The following NFIC variants were observed in gnomAD, a reference collection of about 807,000 sequenced individuals.
NFIC encodes the protein nuclear factor I C, also known as nuclear factor 1 C-type.
NFIC carries 12 observed loss-of-function variants against 54.4 expected under a neutral mutation model. The ratio of observed to expected loss-of-function variants is 0.22; its 90% CI spans 0.14 to 0.36. The LOEUF (loss-of-function observed/expected upper bound fraction) is 0.36. Among genes scored for constraint, NFIC ranks in the 10% least tolerant of loss-of-function variants. The probability of loss-of-function intolerance (pLI) is 1.00; values close to 1 mark genes in which losing one functional copy is unlikely to be tolerated. For synonymous variants in NFIC, 322 were observed against 319.2 expected, an observed-to-expected ratio of 1.01 and a Z score of -0.09; for missense variants, 575 against 718.2, an observed-to-expected ratio of 0.80 and a Z score of 2.28.
intron 2 of NFIC, among the ~76,000 whole-genome samples, chr19:3,417,246 G>C (rs928024762): frequency 6.6e-6 from 1 of 152,076 alleles, no homozygotes; most frequent in African/African-American, 2.4e-5. Context: ...GTTAGAGACC[G>C]GCCTGGGCAA....
intron 2 of NFIC, among the ~76,000 whole-genome samples, chr19:3,416,439 T>TA (rs1472953889): frequency 6.6e-6 from 1 of 150,718 alleles, no homozygotes; most frequent in Non-Finnish European, 1.5e-5. Flanking sequence ...AAAATATACT[T>TA]ACGCCATTAA....
chr19:3,378,716 C>G (rs1369413575), intron 1 of NFIC, among the ~76,000 whole-genome samples: 1 of 152,178 alleles, frequency 6.6e-6, no homozygotes, highest in Non-Finnish European at 1.5e-5. Flanking sequence ...GCCTTCCCAG[C>G]CCTCGGATTT....
rs866612631 is a variant in NFIC, at chr19:3,392,619, T to C, written c.562+10376T>C. 5.3e-5 allele frequency among the ~76,000 whole-genome samples: 8 copies of C among 152,280 alleles called. 1 individual carries two copies. Among genetic ancestry groups the C allele is most frequent in the African/African-American group, 1.9e-4 (8 of 41,560 alleles). ...AGGGGGAGGCGCCTTGTTGCACCTG[T>C]GATGCCCCCCGTTATGGCTGGGCTG... On this transcript the variant is annotated intron_variant, in intron 2 of 10. Transcript: ENST00000443272.
intron 1 of NFIC, among the ~76,000 whole-genome samples, chr19:3,367,294 G>A (rs1165898818): frequency 6.6e-6 from 1 of 152,102 alleles, no homozygotes; most frequent in East Asian, 1.9e-4. Flanking sequence ...GGCCCGGCTG[G>A]GTCCCCCCTC....
rs2082731852 is a variant in NFIC, at chr19:3,467,522, GGGTCCCC to G, written c.*4754_*4760del. 6.6e-6 allele frequency: 1 copy of G among 151,192 alleles called. No homozygotes were observed. The highest frequency in any genetic ancestry group is 1.5e-5 in the Non-Finnish European group (1 of 67,864). 9.4% of individuals were successfully genotyped at this position (151,192 alleles called of 1,614,324 possible). A position where few individuals can be genotyped will look rare whatever the true frequency, so the allele number is the denominator to read the frequency against. ...GGAGAGCCGCTTAGGGGCCAGACCTGGGTCCCCCTGCAGGTCCCCAGGCAGCAGACAA... is the reference window on the plus strand; with the variant it reads ...GGAGAGCCGCTTAGGGGCCAGACCTGCTGCAGGTCCCCAGGCAGCAGACAA... On this transcript the variant is annotated 3_prime_UTR_variant, in exon 11 of 11. Coordinates refer to ENST00000443272, the MANE Select transcript of NFIC (RefSeq NM_001245002.2).
chr19:3,396,772 A>G (rs1053643740), intron 2 of NFIC, among the ~76,000 whole-genome samples: 1 of 152,224 alleles, frequency 6.6e-6, no homozygotes, highest in African/African-American at 2.4e-5. Context: ...TCTGGCCAAC[A>G]TGGCAAAACC....
At chr19:3,414,445 A>G (rs2081816854) in intron 2 of NFIC, among the ~76,000 whole-genome samples, 1 of 151,900 alleles carries the variant, frequency 6.6e-6, no homozygotes, top group Admixed American at 6.6e-5. Context: ...AAATACAAAA[A>G]TTAGCTGGGC....
upstream of NFIC, among the ~76,000 whole-genome samples, chr19:3,362,457 CTG>C (rs2080823152): frequency 6.6e-6 from 1 of 151,412 alleles, no homozygotes; most frequent in African/African-American, 2.4e-5. Context: ...GAGGAGGTAT[CTG>C]AGGTCAGGTG....
chr19:3,443,314 C>T (rs986196675), intron 6 of NFIC, among the ~76,000 whole-genome samples: 1 of 151,384 alleles, frequency 6.6e-6, no homozygotes. Flanking sequence ...CCCAGCTACT[C>T]GAGAGGCTGA....
chr19:3,360,052 C>A (rs1359116121), intron 1 of NFIC, among the ~76,000 whole-genome samples: 1 of 148,394 alleles, frequency 6.7e-6, no homozygotes, highest in Non-Finnish European at 1.5e-5. Context: ...CCTGGGCGCA[C>A]GACCCCCGAG....
intron 1 of NFIC, among the ~76,000 whole-genome samples, chr19:3,373,618 C>CG (rs760548786): frequency 1.1e-4 from 8 of 70,900 alleles, no homozygotes; most frequent in African/African-American, 4.1e-4. Flanking sequence ...CCTTCCTGGA[C>CG]CCCCCCCCCA....
At position 3,458,217 on chromosome 19, in the gene NFIC, T is replaced by A. The variant is rs1459493127; in HGVS notation, c.1509+1582T>A. Among the ~76,000 whole-genome samples, 1 of 152,174 alleles carries A rather than the reference T, an allele frequency of 6.6e-6. No individual in the cohort carries two copies. Among genetic ancestry groups the A allele is most frequent in the African/African-American group, 2.4e-5 (1 of 41,444 alleles). ...CCAGCGAGCAGACGTCCAGGACTCC[T>A]CGCTTTGGGATTTGGGCCCCCTATG... On this transcript the variant is annotated intron_variant, in intron 10 of 10. Coordinates refer to ENST00000443272, the MANE Select transcript of NFIC (RefSeq NM_001245002.2). This position sits in a 1 kb window ranked among gnomAD's most constrained non-coding sequence, Gnocchi z 4.1.
chr19:3,385,956 C>G (rs1334787507), intron 2 of NFIC, among the ~76,000 whole-genome samples: 3 of 152,142 alleles, frequency 2.0e-5, no homozygotes, highest in African/African-American at 7.2e-5. Context: ...ATCCTCCCGC[C>G]TTGGCCTCCC....
At chr19:3,430,840 G>A (rs1411870483) in intron 3 of NFIC, among the ~76,000 whole-genome samples, 1 of 150,658 alleles carries the variant, frequency 6.6e-6, no homozygotes, top group Non-Finnish European at 1.5e-5. Flanking sequence ...GCTGAGACAG[G>A]AGAATCGCTT....
chr19:3,409,419 G>A (rs1047202827), intron 2 of NFIC, among the ~76,000 whole-genome samples: 19 of 152,116 alleles, frequency 1.2e-4, no homozygotes, highest in Admixed American at 1.3e-4. Flanking sequence ...CATTGCCTCC[G>A]TAGAACCTAG....
intron 1 of NFIC, among the ~76,000 whole-genome samples, chr19:3,381,083 G>A (rs1408721160): frequency 6.6e-6 from 1 of 152,082 alleles, no homozygotes; most frequent in Non-Finnish European, 1.5e-5. Context: ...CCATCTGCAT[G>A]CTGGGGTTCA....
intron 2 of NFIC, among the ~76,000 whole-genome samples, chr19:3,413,419 G>A (rs2081797459): frequency 1.3e-5 from 2 of 152,100 alleles, no homozygotes; most frequent in Admixed American, 6.6e-5. Flanking sequence ...AGATGCCAGG[G>A]TGGCTGATCA....
intron 6 of NFIC, among the ~76,000 whole-genome samples, chr19:3,441,139 C>T (rs148051913): frequency 1.3e-5 from 2 of 152,350 alleles, no homozygotes; most frequent in African/African-American, 4.8e-5. Flanking sequence ...CCCTTCCCAA[C>T]ATTTTAGTCC....
At chr19:3,416,039 T>G (rs1599646837) in intron 2 of NFIC, among the ~76,000 whole-genome samples, 1 of 151,768 alleles carries the variant, frequency 6.6e-6, no homozygotes, top group Non-Finnish European at 1.5e-5. Context: ...GCCACAAGCC[T>G]GTAGCCCCGG....
Sources: allele counts gnomAD v4.1 joint callset (sites outside exome capture counted in the v4.1 genomes callset), GRCh38; gene constraint gnomAD v4.1.1; non-coding constraint Gnocchi (gnomAD v3.1); transcripts MANE v1.5; gene names NCBI Gene and HGNC (gene_info 2026-07-23, HGNC 2026-07-21).